Variants in CDH13 observed in about 807,000 individuals in gnomAD.
CDH13 encodes cadherin-13.
In CDH13, 24 loss-of-function variants were observed where a neutral mutation model predicts 63.8. The observed-to-expected ratio is 0.38, with a 90% CI of 0.27 to 0.53. The LOEUF (loss-of-function observed/expected upper bound fraction) is 0.53. Among genes scored for constraint, CDH13 ranks in the 20% least tolerant of loss-of-function variants. The probability of loss-of-function intolerance (pLI) is 0.85; values close to 1 mark genes in which losing one functional copy is unlikely to be tolerated. For synonymous variants in CDH13, 503 were observed against 355.3 expected (o/e 1.42, Z -4.67); for missense variants, 1,049 against 903.1 (o/e 1.16, Z -2.07).
intron 6 of CDH13, among the ~76,000 whole-genome samples, chr16:83,371,575 C>T (rs530293883): frequency 6.6e-6 from 1 of 152,268 alleles, no homozygotes; most frequent in Admixed American, 6.5e-5. Flanking sequence ...TGATGTACAA[C>T]TAAGCAATAC....
chr16:83,378,979 A>T (rs1025523560), intron 6 of CDH13, among the ~76,000 whole-genome samples: 27 of 149,268 alleles, frequency 1.8e-4, no homozygotes, highest in African/African-American at 6.1e-4. Flanking sequence ...GAAATTGTAT[A>T]TACACATGCA....
At chr16:83,285,481 G>A (rs964388143) in intron 5 of CDH13, among the ~76,000 whole-genome samples, 2 of 151,512 alleles carry the variant, frequency 1.3e-5, no homozygotes, top group Non-Finnish European at 2.9e-5. Flanking sequence ...ATATCCACAG[G>A]TTCCAACCAG....
intron 1 of CDH13, among the ~76,000 whole-genome samples, chr16:82,749,167 G>C (rs966500000): frequency 7.2e-5 from 11 of 152,180 alleles, no homozygotes; most frequent in African/African-American, 2.6e-4. Flanking sequence ...GAAAGAGAGA[G>C]AGAGAGACAG....
intron 6 of CDH13, among the ~76,000 whole-genome samples, chr16:83,459,616 A>T (rs1369039444): frequency 6.6e-6 from 1 of 152,230 alleles, no homozygotes; most frequent in Non-Finnish European, 1.5e-5. Context: ...TGGCTGACAG[A>T]TTCGCAGATT....
chr16:83,114,503 C>T (rs1021287320), intron 3 of CDH13, among the ~76,000 whole-genome samples: 1 of 152,196 alleles, frequency 6.6e-6, no homozygotes, highest in African/African-American at 2.4e-5. Flanking sequence ...TTTAAAATGA[C>T]TTCCCTCACA....
chr16:83,109,171 AG>A, intron 3 of CDH13, among the ~76,000 whole-genome samples: 1 of 152,340 alleles, frequency 6.6e-6, no homozygotes, highest in South Asian at 2.1e-4. Context: ...GGTGGCCTAC[AG>A]TAAAGCAGGG....
intron 10 of CDH13, among the ~76,000 whole-genome samples, chr16:83,744,760 C>T (rs1394038218): frequency 6.6e-6 from 1 of 152,162 alleles, no homozygotes; most frequent in Non-Finnish European, 1.5e-5. Flanking sequence ...TCACAGCTAC[C>T]CCAGAACACC....
chr16:83,100,378 T>G (rs963666721), intron 3 of CDH13, among the ~76,000 whole-genome samples: 2 of 152,188 alleles, frequency 1.3e-5, no homozygotes, highest in Non-Finnish European at 2.9e-5. Flanking sequence ...AATTTCACTG[T>G]GTGGGCAGGA....
intron 2 of CDH13, among the ~76,000 whole-genome samples, chr16:82,946,110 T>C (rs1411195777): frequency 1.3e-5 from 2 of 151,994 alleles, no homozygotes; most frequent in African/African-American, 4.8e-5. Context: ...TCTGATCTTT[T>C]GCCCTCCCCT....
At chr16:83,734,595 G>A (rs922783400) in intron 10 of CDH13, among the ~76,000 whole-genome samples, 8 of 151,490 alleles carry the variant, frequency 5.3e-5, no homozygotes, top group African/African-American at 2.0e-4. Context: ...GGTGGGGGAA[G>A]GGGGGAGGGA....
intron 4 of CDH13, among the ~76,000 whole-genome samples, chr16:83,206,364 C>G (rs1597513958): frequency 6.6e-6 from 1 of 152,352 alleles, no homozygotes; most frequent in South Asian, 2.1e-4. Flanking sequence ...ATGCACATCT[C>G]ATGTCCCCAG....
intron 3 of CDH13, among the ~76,000 whole-genome samples, chr16:83,036,293 G>A (rs539174610): frequency 2.0e-5 from 3 of 151,902 alleles, no homozygotes; most frequent in South Asian, 2.1e-4. Context: ...GAGATTACAG[G>A]CACCCACCAC....
intron 2 of CDH13, among the ~76,000 whole-genome samples, chr16:83,012,239 A>G (rs1297102593): frequency 6.6e-6 from 1 of 151,364 alleles, no homozygotes; most frequent in Non-Finnish European, 1.5e-5. Flanking sequence ...CACAGTGACT[A>G]TCTCTTTTCA....
At chr16:82,932,524 C>A (rs2042532833) in intron 2 of CDH13, among the ~76,000 whole-genome samples, 1 of 152,172 alleles carries the variant, frequency 6.6e-6, no homozygotes, top group African/African-American at 2.4e-5. Context: ...ACTGGCAGAG[C>A]TTCCCAAGAC....
intron 2 of CDH13, among the ~76,000 whole-genome samples, chr16:82,985,476 C>G (rs776964487): frequency 6.6e-6 from 1 of 152,150 alleles, no homozygotes; most frequent in African/African-American, 2.4e-5. Context: ...CAACTGTATT[C>G]ATTAGACATA....
intron 6 of CDH13, among the ~76,000 whole-genome samples, chr16:83,439,373 A>G (rs896586099): frequency 1.4e-4 from 22 of 152,228 alleles, no homozygotes; most frequent in African/African-American, 5.1e-4. Flanking sequence ...GCAATGGGAG[A>G]GAATATACTA....
intron 2 of CDH13, among the ~76,000 whole-genome samples, chr16:83,022,127 G>C (rs945295517): frequency 6.6e-6 from 1 of 152,194 alleles, no homozygotes; most frequent in Non-Finnish European, 1.5e-5. Flanking sequence ...GGCATACTGA[G>C]GGATATGAAA....
chr16:82,720,678 T>G (rs2032714489), intron 1 of CDH13, among the ~76,000 whole-genome samples: 1 of 125,884 alleles, frequency 7.9e-6, no homozygotes, highest in South Asian at 2.5e-4. Flanking sequence ...AGAGTTAGTG[T>G]TTTTTTTTTT....
rs997378571 is a variant in CDH13 at position 82,816,307 on chromosome 16, C to T, written c.46-42055C>T. 5.9e-5 allele frequency among the ~76,000 whole-genome samples: 9 copies of T among 152,122 alleles called. No individual in the cohort carries two copies. The East Asian group carries it at 1.2e-3, about 20-fold the overall frequency. ...CACTCAGTAAATATTTATTGAGTAC[C>T]CTGTATGTGTAGGTAGTGGTGATAC... On this transcript the variant is annotated intron_variant, in intron 1 of 13. Coordinates refer to ENST00000567109, the MANE Select transcript of CDH13 (RefSeq NM_001257.5).
Sources: gnomAD v4.1 joint callset for allele counts (sites outside exome capture counted in the v4.1 genomes callset) on GRCh38, gnomAD v4.1.1 for gene constraint, MANE v1.5 for transcripts, NCBI Gene and HGNC (gene_info 2026-07-23, HGNC 2026-07-21) for gene names.